The following ATL1 variants were observed in gnomAD, a reference collection of about 807,000 sequenced individuals.
The protein encoded by ATL1 is atlastin GTPase 1, also known as atlastin-1.
Under a neutral mutation model 75.5 loss-of-function variants are expected in ATL1, and 31 were observed. That is an observed-to-expected ratio of 0.41 (90% CI 0.31 to 0.55). The LOEUF is 0.55. Among genes scored for constraint, ATL1 ranks in the 20% least tolerant of loss-of-function variants. The pLI, the probability that ATL1 is intolerant of heterozygous loss-of-function variation, is 0.27. For synonymous variants in ATL1, 226 were observed against 233.3 expected, an observed-to-expected ratio of 0.97 and a Z score of 0.28; for missense variants, 405 against 662.6, an observed-to-expected ratio of 0.61 and a Z score of 4.27.
chr14:50,620,479 A>C, intron 8 of ATL1, 120 bp from the exon 9 acceptor site: 1 of 1,052,438 alleles, frequency 9.5e-7, no homozygotes, highest in Non-Finnish European at 1.4e-6. Context: ...AATGATGGGG[A>C]AGTGAGTGAT....
In ATL1 at chr14:50,576,471, C is replaced by T. The variant is rs373129337; in HGVS notation, c.35-11360C>T. ...CTGCCCCCTCTCTCTTTAGGATTTG[C>T]ACAGTATTCTGGGAATTGAAACTGA... On this transcript the variant is annotated intron_variant, in intron 1 of 13. Transcript: ENST00000358385. Among the ~76,000 whole-genome samples, 11 of 152,202 alleles carry T rather than the reference C, an allele frequency of 7.2e-5. No homozygotes were observed. In the East Asian group the frequency reaches 7.7e-4, roughly 11 times the overall value.
chr14:50,539,507 G>C (rs2038535010), intron 1 of ATL1, among the ~76,000 whole-genome samples: 1 of 152,202 alleles, frequency 6.6e-6, no homozygotes, highest in African/African-American at 2.4e-5. Flanking sequence ...GACTATAAAG[G>C]CTTTGGAGTT....
intron 6 of ATL1, among the ~76,000 whole-genome samples, chr14:50,607,851 T>A (rs2039329465): frequency 6.6e-6 from 1 of 152,110 alleles, no homozygotes; most frequent in Non-Finnish European, 1.5e-5. Context: ...TCTACATACT[T>A]ATTAATAGCT....
intron 1 of ATL1, among the ~76,000 whole-genome samples, chr14:50,580,694 A>G (rs1196457350): frequency 6.6e-6 from 1 of 152,102 alleles, no homozygotes; most frequent in African/African-American, 2.4e-5. Flanking sequence ...CTTGTCAGTT[A>G]TTGGTATCAG....
At chr14:50,537,303 G>C (rs938957824) in intron 1 of ATL1, among the ~76,000 whole-genome samples, 1 of 152,232 alleles carries the variant, frequency 6.6e-6, no homozygotes, top group Non-Finnish European at 1.5e-5. Context: ...GTCAAGAATT[G>C]AGGTTTGGGA....
intron 1 of ATL1, among the ~76,000 whole-genome samples, chr14:50,562,305 A>G (rs1207345922): frequency 6.6e-6 from 1 of 152,090 alleles, no homozygotes; most frequent in Non-Finnish European, 1.5e-5. Flanking sequence ...CGGCCTCCCA[A>G]AGTGCTGGGA....
At position 50,595,639 on chromosome 14, in the gene ATL1, G is replaced by A. The variant is rs3759588; in HGVS notation, c.630+7G>A. ...ATTCCTGAAGCCATTTCAGGTGAGC[G>A]AGTGTTAAATGATGGTAAATTCTTA... On this transcript the variant is annotated splice_region_variant and intron_variant, in intron 6 of 13. Transcript: ENST00000358385. The A allele has an allele frequency of 0.14, 222,606 of 1,612,016 alleles. 16,779 individuals carry two copies. Among genetic ancestry groups the A allele is most frequent in the African/African-American group, 0.28 (20,848 of 74,816 alleles).
chr14:50,622,004 A>C, intron 10 of ATL1, 105 bp downstream of exon 10: 2 of 822,796 alleles, frequency 2.4e-6, no homozygotes, highest in Non-Finnish European at 4.1e-6. Context: ...AATTTATTGG[A>C]AGATTATTTG....
chr14:50,552,592 C>G (rs1014568147), intron 1 of ATL1, among the ~76,000 whole-genome samples: 4 of 152,188 alleles, frequency 2.6e-5, no homozygotes, highest in African/African-American at 9.6e-5. Flanking sequence ...CTGGAGGCAT[C>G]ACATTACCTG....
chr14:50,625,351 A>C (rs1401497539), intron 11 of ATL1, among the ~76,000 whole-genome samples: 1 of 152,224 alleles, frequency 6.6e-6, no homozygotes, highest in East Asian at 1.9e-4. Flanking sequence ...CATAAAGTGC[A>C]AGGTGAAGCA....
intron 1 of ATL1, among the ~76,000 whole-genome samples, chr14:50,553,724 G>A (rs1323340699): frequency 1.3e-5 from 2 of 152,090 alleles, no homozygotes; most frequent in African/African-American, 4.8e-5. Flanking sequence ...ACCAATGAGC[G>A]GATAAAGGAA....
Position 50,560,507 on chromosome 14 carries a change from G to C in ATL1, c.34+208G>C, listed in dbSNP as rs2038825560. On this transcript the variant is annotated intron_variant, in intron 1 of 13. Coordinates refer to ENST00000358385, the MANE Select transcript of ATL1 (RefSeq NM_015915.5). The stretch of plus-strand genomic sequence containing the variant: ...ACCGAATCGCGCTGTCGGGGTGAGG[G>C]CTGCAGCTTCGCGCAGGCCGGGCCT... 4 of 642,152 alleles carry C rather than the reference G, an allele frequency of 6.2e-6. No individual in the cohort carries two copies. In the Admixed American group the frequency reaches 1.1e-4, roughly 18 times the overall value. The allele number at this position is 642,152 out of a possible 1,614,324, so 39.8% of individuals were successfully genotyped here.
chr14:50,543,145 T>A (rs2038587598), intron 1 of ATL1, among the ~76,000 whole-genome samples: 1 of 152,258 alleles, frequency 6.6e-6, no homozygotes, highest in East Asian at 1.9e-4. Context: ...TAGTGCTTGC[T>A]CAGTGTGCCT....
At chr14:50,578,261 C>T (rs2039024762) in intron 1 of ATL1, among the ~76,000 whole-genome samples, 2 of 152,042 alleles carry the variant, frequency 1.3e-5, no homozygotes, top group African/African-American at 4.8e-5. Flanking sequence ...TATTTTGTAG[C>T]CTATGTAAGT....
At chr14:50,534,663 A>T (rs1362232818) in intron 1 of ATL1, among the ~76,000 whole-genome samples, 1 of 152,268 alleles carries the variant, frequency 6.6e-6, no homozygotes, top group Non-Finnish European at 1.5e-5. Context: ...TAGCATGGAA[A>T]AAGTCAAGAC....
At chr14:50,606,662 A>G (rs2140220347) in intron 6 of ATL1, among the ~76,000 whole-genome samples, 1 of 152,180 alleles carries the variant, frequency 6.6e-6, no homozygotes, top group South Asian at 2.1e-4. Flanking sequence ...TCCAACCATT[A>G]GTCTTTGGGG....
intron 1 of ATL1, among the ~76,000 whole-genome samples, chr14:50,586,195 T>C (rs552685271): frequency 6.6e-6 from 1 of 152,314 alleles, no homozygotes; most frequent in African/African-American, 2.4e-5. Context: ...TAAAAGATTA[T>C]TTAAGAGTCC....
intron 6 of ATL1, among the ~76,000 whole-genome samples, chr14:50,606,947 G>C (rs573610886): frequency 6.6e-6 from 1 of 152,014 alleles, no homozygotes; most frequent in Non-Finnish European, 1.5e-5. Flanking sequence ...TCAAGTGAAT[G>C]TACTTCCAAC....
intron 1 of ATL1, among the ~76,000 whole-genome samples, chr14:50,587,254 A>C (rs1391854814): frequency 2.0e-5 from 3 of 152,214 alleles, no homozygotes; most frequent in African/African-American, 7.2e-5. Flanking sequence ...TTTCTGACTC[A>C]GCAGACAGAG....
Sources: allele counts gnomAD v4.1 joint callset (sites outside exome capture counted in the v4.1 genomes callset), GRCh38; gene constraint gnomAD v4.1.1; transcripts MANE v1.5; gene names NCBI Gene and HGNC (gene_info 2026-07-23, HGNC 2026-07-21).